Variants in CLASP1 observed in about 807,000 individuals in gnomAD.
CLASP1 encodes the protein cytoplasmic linker associated protein 1, also known as CLIP-associating protein 1.
Under a neutral mutation model 192.3 loss-of-function variants are expected in CLASP1, and 38 were observed. That is an observed-to-expected ratio of 0.20 (90% confidence interval 0.15 to 0.26). The LOEUF is 0.26. Ranked by LOEUF, CLASP1 falls within the 10% of genes least tolerant of loss-of-function variation. The pLI is 1.00. For synonymous variants in CLASP1, 691 were observed against 712.8 expected (o/e 0.97, Z 0.49); for missense variants, 1,433 against 1,932.5 (o/e 0.74, Z 4.85).
At position 121,356,105 on chromosome 2, in the gene CLASP1, G is replaced by A. The variant is rs549468219; in HGVS notation, c.4206+7067C>T. Among the ~76,000 whole-genome samples, 3 of 152,166 alleles carry A rather than the reference G, an allele frequency of 2.0e-5. No individual in the cohort carries two copies. The South Asian group carries it at 6.2e-4, about 32-fold the overall frequency. Reference sequence around the variant, plus strand: ...TTTTTAGGTTCACAAGGTTTGATCTGGCTCTGTCACAGACACACCAGAATA... The same window carrying A: ...TTTTTAGGTTCACAAGGTTTGATCTAGCTCTGTCACAGACACACCAGAATA... On this transcript the variant is annotated intron_variant, in intron 37 of 39. Coordinates refer to ENST00000263710, the Ensembl canonical transcript of CLASP1.
intron 1 of CLASP1, among the ~76,000 whole-genome samples, chr2:121,626,580 C>T (rs554283838): frequency 2.2e-5 from 3 of 137,420 alleles, no homozygotes; most frequent in South Asian, 2.3e-4. Context: ...AATTTTGATT[C>T]CTTTTTTTTT....
At chr2:121,597,262 T>C (rs2063249221) in intron 2 of CLASP1, among the ~76,000 whole-genome samples, 1 of 152,206 alleles carries the variant, frequency 6.6e-6, no homozygotes, top group Non-Finnish European at 1.5e-5. Context: ...CATATGGTAA[T>C]TACAATTTAA....
intron 34 of CLASP1, among the ~76,000 whole-genome samples, chr2:121,372,715 T>C (rs2069010038): frequency 6.6e-6 from 1 of 152,220 alleles, no homozygotes. Flanking sequence ...ATAGTTACAG[T>C]AGCCTGTCTA....
chr2:121,348,475 C>G, intron 38 of CLASP1, 37 bp downstream of exon 39: 1 of 1,560,052 alleles, frequency 6.4e-7, no homozygotes, highest in Non-Finnish European at 8.7e-7. Flanking sequence ...CAACCCCACA[C>G]AGGCCGGGGG....
At chr2:121,616,370 C>T (rs1259968232) in intron 1 of CLASP1, among the ~76,000 whole-genome samples, 2 of 152,142 alleles carry the variant, frequency 1.3e-5, no homozygotes, top group Non-Finnish European at 2.9e-5. Context: ...TCGCTTGAAC[C>T]TGGGAGGCGG....
intron 39 of CLASP1, among the ~76,000 whole-genome samples, chr2:121,342,803 T>C (rs1244775034): frequency 6.6e-6 from 1 of 152,132 alleles, no homozygotes; most frequent in African/African-American, 2.4e-5. Context: ...TGGGATTATG[T>C]GTGCCTGTAA....
intron 9 of CLASP1, among the ~76,000 whole-genome samples, chr2:121,463,232 G>A (rs925248471): frequency 2.6e-5 from 4 of 152,054 alleles, no homozygotes; most frequent in Non-Finnish European, 5.9e-5. Flanking sequence ...AAAATCAAGT[G>A]ATGCTTTATC....
chr2:121,368,328 C>T (rs1233624833), intron 34 of CLASP1, among the ~76,000 whole-genome samples: 1 of 152,208 alleles, frequency 6.6e-6, no homozygotes, highest in Non-Finnish European at 1.5e-5. Flanking sequence ...GGCCTCGGCG[C>T]TTCACAATCT....
chr2:121,531,080 A>AACCAGTAGAGGGTTG (rs2094832141), intron 2 of CLASP1: 3 of 682,932 alleles, frequency 4.4e-6, no homozygotes, highest in Non-Finnish European at 8.1e-6. Flanking sequence ...CTTTGTGGTT[A>AACCAGTAGAGGGTTG]AACCAGTAGA....
At chr2:121,491,639 T>G (rs924225041) in intron 8 of CLASP1, among the ~76,000 whole-genome samples, 2 of 152,226 alleles carry the variant, frequency 1.3e-5, no homozygotes, top group Non-Finnish European at 2.9e-5. Context: ...GCTAATTATA[T>G]GGAGATGAAA....
intron 23 of CLASP1, among the ~76,000 whole-genome samples, chr2:121,417,292 G>C (rs1240765938): frequency 1.3e-5 from 2 of 152,030 alleles, no homozygotes; most frequent in Non-Finnish European, 2.9e-5. Flanking sequence ...AAAAATAACA[G>C]TACATATTTG....
intron 9 of CLASP1, 76 bp downstream of exon 9, chr2:121,469,732 C>A (rs1045640799): frequency 6.9e-7 from 1 of 1,441,540 alleles, no homozygotes. Flanking sequence ...AGGGCCACCA[C>A]AGGCAAGTAC....
intron 37 of CLASP1, among the ~76,000 whole-genome samples, chr2:121,361,465 T>A (rs1042013043): frequency 7.9e-5 from 12 of 152,228 alleles, no homozygotes; most frequent in Non-Finnish European, 1.3e-4. Flanking sequence ...CTAGCTAATG[T>A]CTCAGTTCTG....
chr2:121,454,071 A>G (rs923207415), intron 14 of CLASP1, among the ~76,000 whole-genome samples: 2 of 152,186 alleles, frequency 1.3e-5, no homozygotes, highest in Non-Finnish European at 2.9e-5. Flanking sequence ...TATTGTCACA[A>G]TAACTGTAGG....
chr2:121,470,336 C>G (rs2090495170), intron 8 of CLASP1: 1 of 452,958 alleles, frequency 2.2e-6, no homozygotes, highest in Admixed American at 2.7e-5. Flanking sequence ...CAGAGTCTCA[C>G]TGTCACTCAA....
At chr2:121,443,225 T>C (rs2083665157) in intron 19 of CLASP1, among the ~76,000 whole-genome samples, 1 of 151,066 alleles carries the variant, frequency 6.6e-6, no homozygotes, top group South Asian at 2.1e-4. Context: ...GTTAGTCTCC[T>C]GGACAATAAC....
At chr2:121,519,925 T>TAA (rs2094419868) in intron 6 of CLASP1, among the ~76,000 whole-genome samples, 1 of 152,206 alleles carries the variant, frequency 6.6e-6, no homozygotes, top group Admixed American at 6.5e-5. Context: ...GGTCTCGCAC[T>TAA]GCCTCTCCCT....
At chr2:121,481,599 A>C (rs2092602846) in intron 8 of CLASP1, among the ~76,000 whole-genome samples, 1 of 152,248 alleles carries the variant, frequency 6.6e-6, no homozygotes, top group African/African-American at 2.4e-5. Context: ...CAAATCCTCC[A>C]TGCCCTGTAA....
At chr2:121,603,769 A>G (rs1444415048) in intron 2 of CLASP1, among the ~76,000 whole-genome samples, 1 of 152,268 alleles carries the variant, frequency 6.6e-6, no homozygotes, top group Non-Finnish European at 1.5e-5. Flanking sequence ...CTTCACAGCA[A>G]CATGGATGGA....
Sources: gnomAD v4.1 joint callset for allele counts (sites outside exome capture counted in the v4.1 genomes callset) on GRCh38, gnomAD v4.1.1 for gene constraint, MANE v1.5 for transcripts, NCBI Gene and HGNC (gene_info 2026-07-23, HGNC 2026-07-21) for gene names.